The following PCOLCE2 variants were observed in gnomAD, a reference collection of about 807,000 sequenced individuals.
PCOLCE2 encodes procollagen C-proteinase enhancer 2.
In PCOLCE2, 42 loss-of-function variants were observed where a neutral mutation model predicts 47.0. That is an observed-to-expected ratio of 0.89 (90% confidence interval 0.70 to 1.16). The LOEUF (loss-of-function observed/expected upper bound fraction) is 1.16, where lower values mean the gene tolerates loss of function less well. PCOLCE2 is among the 50% of genes most tolerant of loss of function. The pLI, the probability that PCOLCE2 is intolerant of heterozygous loss-of-function variation, is 0.00. For synonymous variants in PCOLCE2, 169 were observed against 191.7 expected (o/e 0.88, Z 0.98); for missense variants, 500 against 526.1 (o/e 0.95, Z 0.49).
At chr3:142,853,649 G>A (rs1381398772) in intron 2 of PCOLCE2, among the ~76,000 whole-genome samples, 1 of 152,180 alleles carries the variant, frequency 6.6e-6, no homozygotes, top group Non-Finnish European at 1.5e-5. Flanking sequence ...CCTGGCAGCA[G>A]AGCTCCAAAA....
chr3:142,872,319 C>T (rs1011824560), intron 2 of PCOLCE2, among the ~76,000 whole-genome samples: 5 of 152,086 alleles, frequency 3.3e-5, no homozygotes, highest in Admixed American at 6.6e-5. Flanking sequence ...ATTTTGACTG[C>T]GCTATTTTCT....
At chr3:142,874,395 G>A (rs964836528) in intron 2 of PCOLCE2, among the ~76,000 whole-genome samples, 8 of 152,012 alleles carry the variant, frequency 5.3e-5, no homozygotes, top group Non-Finnish European at 8.8e-5. Flanking sequence ...TTTAAATGTG[G>A]CACACCCCCC....
At chr3:142,820,107 ATT>A (rs76842871) in intron 8 of PCOLCE2, among the ~76,000 whole-genome samples, 68 of 145,256 alleles carry the variant, frequency 4.7e-4, no homozygotes, top group African/African-American at 1.4e-3. Context: ...AGGAACTTAA[ATT>A]TTTTTTTTTT....
chr3:142,866,274 T>C lies in PCOLCE2; in HGVS notation c.193-17802A>G, dbSNP rs1578046568. On this transcript the variant is annotated intron_variant, in intron 2 of 8. Transcript: ENST00000295992. The stretch of plus-strand genomic sequence containing the variant: ...GGAAGGGCAAATTCTCTCTCTCTTC[T>C]TCCTTGAGCTGGGACATCCATTTTC... Among the ~76,000 whole-genome samples the C allele has an allele frequency of 5.3e-5, 8 of 152,282 alleles. 1 individual carries two copies. In the South Asian group the frequency reaches 1.7e-3, roughly 32 times the overall value.
chr3:142,848,405 C>T lies in PCOLCE2; in HGVS notation c.260G>A (p.Arg87His), dbSNP rs762581941. The T allele has an allele frequency of 7.5e-5, 121 of 1,613,348 alleles. No homozygotes were observed. In the Admixed American group the frequency reaches 9.0e-4, roughly 12 times the overall value. ...ATTGTACACATCCACAAAGTCATAG[C>T]GGCACAGGTTGTCACTCTCGAGGTC... Reference protein sequence around the residue: ...FIDLESDNLCRYDFVDVYNGH... With the variant: ...FIDLESDNLCHYDFVDVYNGH... The change falls in exon 3 of 9, where the codon CGC (arginine) becomes CAC (histidine). Residue 87 changes from arginine to histidine, a missense_variant. Coordinates refer to ENST00000295992, the MANE Select transcript of PCOLCE2 (RefSeq NM_013363.4).
chr3:142,884,813 A>G (rs554742926), intron 2 of PCOLCE2, among the ~76,000 whole-genome samples: 4 of 152,338 alleles, frequency 2.6e-5, no homozygotes, highest in African/African-American at 9.6e-5. Flanking sequence ...AAATTTTTCT[A>G]TTAATAGCAC....
chr3:142,836,519 T>G (rs933477350), intron 5 of PCOLCE2, among the ~76,000 whole-genome samples: 5 of 152,254 alleles, frequency 3.3e-5, no homozygotes, highest in Non-Finnish European at 7.3e-5. Flanking sequence ...CTCTTATTTT[T>G]TGACAACTCA....
intron 6 of PCOLCE2, among the ~76,000 whole-genome samples, chr3:142,825,564 A>C (rs16852658): frequency 0.036 from 5,424 of 152,144 alleles, 330 homozygotes; most frequent in African/African-American, 0.12. Context: ...TTGCCAGTCT[A>C]TCAAATTTAG....
chr3:142,821,667 G>T (rs1937016910), intron 7 of PCOLCE2, among the ~76,000 whole-genome samples: 1 of 151,368 alleles, frequency 6.6e-6, no homozygotes. Context: ...ACAAGCTGAA[G>T]TATAGAACTG....
chr3:142,818,598 T>C lies in PCOLCE2; in HGVS notation c.1118-133A>G, dbSNP rs1187003942. On this transcript the variant is annotated intron_variant, in intron 8 of 8. Transcript: ENST00000295992. ...GATTATACATGTATTCCATCCACGA[T>C]AAAATCTGGGTTTCTTGTTTTTGCT... 9.6e-6 allele frequency: 7 copies of C among 726,798 alleles called. No homozygotes were observed. The East Asian group carries it at 1.9e-4, about 20-fold the overall frequency. The allele number at this position is 726,798 out of a possible 1,614,324, so 45.0% of individuals were successfully genotyped here.
intron 6 of PCOLCE2, among the ~76,000 whole-genome samples, chr3:142,826,267 A>G (rs1192245951): frequency 6.6e-6 from 1 of 152,038 alleles, no homozygotes. Context: ...TCGGCCTCCC[A>G]AAGTTCTGGG....
At chr3:142,875,186 A>C (rs1461235658) in intron 2 of PCOLCE2, among the ~76,000 whole-genome samples, 4 of 152,162 alleles carry the variant, frequency 2.6e-5, no homozygotes, top group Non-Finnish European at 5.9e-5. Context: ...TTGTTTAAAA[A>C]ATATTTTAAC....
intron 2 of PCOLCE2, among the ~76,000 whole-genome samples, chr3:142,875,383 T>G (rs1038360225): frequency 2.0e-5 from 3 of 152,066 alleles, no homozygotes; most frequent in Non-Finnish European, 1.5e-5. Context: ...GTTCACCAGG[T>G]TTTTTCTCTT....
At chr3:142,846,830 T>C (rs1232209937) in intron 3 of PCOLCE2, 1 of 152,244 alleles carries the variant, frequency 6.6e-6, no homozygotes, top group African/African-American at 2.4e-5. Context: ...TAGTTCCTGT[T>C]TCTCTTCTGA....
chr3:142,880,045 AC>A (rs1185235047), intron 2 of PCOLCE2, among the ~76,000 whole-genome samples: 6 of 141,358 alleles, frequency 4.2e-5, no homozygotes, highest in African/African-American at 1.0e-4. Context: ...AAACAACCCC[AC>A]CCCCCCAAAA....
At chr3:142,887,436 T>C (rs1933737145) in intron 2 of PCOLCE2, 2 of 388,366 alleles carry the variant, frequency 5.1e-6, no homozygotes, top group African/African-American at 2.1e-5. Flanking sequence ...ACATCTGCTC[T>C]GAGAATTTAT....
chr3:142,839,402 T>C (rs1434952035), intron 4 of PCOLCE2, among the ~76,000 whole-genome samples: 1 of 151,822 alleles, frequency 6.6e-6, no homozygotes, highest in Non-Finnish European at 1.5e-5. Context: ...AACCTCTGCC[T>C]CCCGGGTTCA....
chr3:142,873,638 A>G (rs1578049531), intron 2 of PCOLCE2, among the ~76,000 whole-genome samples: 1 of 152,230 alleles, frequency 6.6e-6, no homozygotes, highest in African/African-American at 2.4e-5. Context: ...GAGAAAGCAC[A>G]TAGGAGCTTC....
At chr3:142,826,653 A>G (rs550102634) in intron 6 of PCOLCE2, among the ~76,000 whole-genome samples, 1 of 152,294 alleles carries the variant, frequency 6.6e-6, no homozygotes, top group African/African-American at 2.4e-5. Context: ...TCAATTTGCC[A>G]TGCTCCACAC....
Sources: gnomAD v4.1 joint callset for allele counts (sites outside exome capture counted in the v4.1 genomes callset) on GRCh38, gnomAD v4.1.1 for gene constraint, MANE v1.5 for transcripts, NCBI Gene and HGNC (gene_info 2026-07-23, HGNC 2026-07-21) for gene names.